The following DPP6 variants were observed in gnomAD, a reference collection of about 807,000 sequenced individuals.
The protein encoded by DPP6 is A-type potassium channel modulatory protein DPP6.
A neutral mutation model predicts 122.6 loss-of-function variants in DPP6; 69 were observed. The observed-to-expected ratio is 0.56, with a 90% confidence interval of 0.46 to 0.69. The LOEUF (loss-of-function observed/expected upper bound fraction) is 0.69, where lower values mean the gene tolerates loss of function less well. Among genes scored for constraint, DPP6 ranks in the 30% least tolerant of loss-of-function variants. The pLI, the probability that DPP6 is intolerant of heterozygous loss-of-function variation, is 0.00. For missense variants in DPP6, 928 were observed against 1,116.9 expected, an observed-to-expected ratio of 0.83 and a Z score of 2.41; for synonymous variants, 418 against 433.1, an observed-to-expected ratio of 0.97 and a Z score of 0.43.
chr7:154,204,671 G>C (rs1044267400), intron 1 of DPP6, among the ~76,000 whole-genome samples: 2 of 152,102 alleles, frequency 1.3e-5, no homozygotes, highest in African/African-American at 4.8e-5. Context: ...CCTGGGCGTG[G>C]TTAAGTAGGG....
At chr7:154,327,560 T>C (rs1230542023) in intron 1 of DPP6, among the ~76,000 whole-genome samples, 2 of 152,170 alleles carry the variant, frequency 1.3e-5, no homozygotes, top group Non-Finnish European at 2.9e-5. Flanking sequence ...GTTGACCTCA[T>C]GTCTTAGAAG....
the DPP6 span, among the ~76,000 whole-genome samples, chr7:153,855,297 TTTTG>T: frequency 1.3e-3 from 194 of 152,302 alleles, 2 homozygotes; most frequent in African/African-American, 4.1e-3. Flanking sequence ...TTCAATATTA[TTTTG>T]TTTATTAAGT....
the DPP6 span, among the ~76,000 whole-genome samples, chr7:153,874,424 G>T: frequency 1.1e-4 from 17 of 152,308 alleles, 1 homozygote; most frequent in Admixed American, 9.8e-4. Context: ...GGCCCAGGCT[G>T]GAGTGCAGTG....
the DPP6 span, among the ~76,000 whole-genome samples, chr7:153,827,278 A>G: frequency 3.9e-5 from 6 of 152,226 alleles, no homozygotes. Flanking sequence ...TCCATGTAGC[A>G]GAAAGAAACA....
At chr7:153,960,316 C>T (rs1795280798) in intron 1 of DPP6, among the ~76,000 whole-genome samples, 2 of 152,030 alleles carry the variant, frequency 1.3e-5, no homozygotes, top group East Asian at 1.9e-4. Flanking sequence ...AGTCAATCCT[C>T]TCCAGTTGAC....
At position 154,296,070 on chromosome 7, in the gene DPP6, G is replaced by A. The variant is rs187282581; in HGVS notation, c.244-150144G>A. Among the ~76,000 whole-genome samples, 823 of 150,940 alleles carry A rather than the reference G, an allele frequency of 5.5e-3. 12 individuals carry two copies. Among genetic ancestry groups the A allele is most frequent in the Non-Finnish European group, 3.7e-3 (251 of 67,842 alleles). ...CGCCATTCTCCTGCCTCAGCCTCCCGAGCAGCTGAGACTACAGGCACCTGC... is the reference window on the plus strand; with the variant it reads ...CGCCATTCTCCTGCCTCAGCCTCCCAAGCAGCTGAGACTACAGGCACCTGC... On this transcript the variant is annotated intron_variant, in intron 1 of 25. Coordinates refer to ENST00000377770, the MANE Select transcript of DPP6 (RefSeq NM_130797.4).
intron 1 of DPP6, among the ~76,000 whole-genome samples, chr7:153,964,852 T>C (rs138532730): frequency 7.6e-5 from 10 of 130,972 alleles, no homozygotes; most frequent in East Asian, 6.4e-4. Flanking sequence ...TTCCTTTTCC[T>C]TTTCCCTTTC....
intron 6 of DPP6, among the ~76,000 whole-genome samples, chr7:154,638,285 C>G (rs1017186910): frequency 1.3e-5 from 2 of 152,178 alleles, no homozygotes; most frequent in Non-Finnish European, 2.9e-5. Context: ...CTCTCTCAGC[C>G]CACCACATGT....
At chr7:154,775,348 C>T (rs1220036880) in intron 10 of DPP6, among the ~76,000 whole-genome samples, 1 of 152,152 alleles carries the variant, frequency 6.6e-6, no homozygotes, top group Non-Finnish European at 1.5e-5. Flanking sequence ...TCCAATCGTT[C>T]CATCTTGTGG....
chr7:154,132,542 T>A (rs1179909040), intron 1 of DPP6, among the ~76,000 whole-genome samples: 1 of 152,136 alleles, frequency 6.6e-6, no homozygotes, highest in East Asian at 1.9e-4. Flanking sequence ...CTCTTCTTCC[T>A]CCTCACTTCC....
chr7:154,427,340 C>G (rs1248786296), intron 1 of DPP6, among the ~76,000 whole-genome samples: 1 of 152,106 alleles, frequency 6.6e-6, no homozygotes, highest in African/African-American at 2.4e-5. Context: ...CGCTTTATCT[C>G]TTTGGTTTAG....
intron 1 of DPP6, among the ~76,000 whole-genome samples, chr7:154,205,687 C>T (rs1196946942): frequency 6.6e-6 from 1 of 152,076 alleles, no homozygotes; most frequent in Non-Finnish European, 1.5e-5. Context: ...GGCCTCCAGG[C>T]CCGGAGCACT....
intron 5 of DPP6, among the ~76,000 whole-genome samples, chr7:154,632,699 A>G (rs1179273611): frequency 1.1e-4 from 16 of 152,176 alleles, no homozygotes; most frequent in African/African-American, 3.6e-4. Context: ...AAATCTCAAG[A>G]ATGGAAGATT....
Position 154,865,788 on chromosome 7 carries a change from A to G in DPP6, c.1715-2207A>G, listed in dbSNP as rs192865135. Among the ~76,000 whole-genome samples the G allele has an allele frequency of 2.6e-3, 403 of 152,242 alleles. 3 individuals carry two copies. The highest frequency in any genetic ancestry group is 9.5e-3 in the African/African-American group (395 of 41,542). ...GGAGGACCTCTCCTCGGTCCTGTTT[A>G]GTTTCCTGGGGCCACATGGGAACAA... On this transcript the variant is annotated intron_variant, in intron 17 of 25. Coordinates refer to ENST00000377770, the MANE Select transcript of DPP6 (RefSeq NM_130797.4).
intron 4 of DPP6, among the ~76,000 whole-genome samples, chr7:154,556,799 C>T (rs1187542793): frequency 6.6e-6 from 1 of 151,890 alleles, no homozygotes; most frequent in African/African-American, 2.4e-5. Flanking sequence ...AAATTGAGCA[C>T]AAAAAGACAA....
intron 1 of DPP6, among the ~76,000 whole-genome samples, chr7:153,945,751 A>G (rs549079067): frequency 2.0e-5 from 3 of 152,164 alleles, no homozygotes; most frequent in Non-Finnish European, 4.4e-5. Flanking sequence ...TAGCCCAGGT[A>G]TTAAAGGGAG....
chr7:154,311,222 G>A lies in DPP6; in HGVS notation c.244-134992G>A, dbSNP rs141081896. ...ACCATGTCAATTTGCATGGGGAGCC[G>A]CGTGCAGTGGCTCATACCTGCAGTC... On this transcript the variant is annotated intron_variant, in intron 1 of 25. Coordinates refer to ENST00000377770, the MANE Select transcript of DPP6 (RefSeq NM_130797.4). 7.9e-5 allele frequency among the ~76,000 whole-genome samples: 12 copies of A among 152,318 alleles called. No individual in the cohort carries two copies. The East Asian group carries it at 1.7e-3, about 22-fold the overall frequency.
At chr7:154,054,225 A>G (rs1359359322) in intron 1 of DPP6, among the ~76,000 whole-genome samples, 6 of 152,246 alleles carry the variant, frequency 3.9e-5, no homozygotes, top group African/African-American at 1.4e-4. Flanking sequence ...GGCACTGAGT[A>G]GGTGGTTTTG....
At chr7:154,238,723 C>A (rs1039348399) in intron 1 of DPP6, among the ~76,000 whole-genome samples, 2 of 152,158 alleles carry the variant, frequency 1.3e-5, no homozygotes, top group Admixed American at 6.5e-5. Flanking sequence ...GCTATAGATA[C>A]CTTCAATATT....
Sources: gnomAD v4.1 joint callset for allele counts (sites outside exome capture counted in the v4.1 genomes callset) on GRCh38, gnomAD v4.1.1 for gene constraint, MANE v1.5 for transcripts, NCBI Gene and HGNC (gene_info 2026-07-23, HGNC 2026-07-21) for gene names.